CERK: variants seen among roughly 807,000 people sequenced by gnomAD.
The protein encoded by CERK is ceramide kinase, also known as acylsphingosine kinase.
CERK carries 39 observed loss-of-function variants against 63.4 expected under a neutral mutation model. The ratio of observed to expected loss-of-function variants is 0.61; its 90% CI spans 0.48 to 0.80. CERK has a LOEUF of 0.80. Ranked by LOEUF, CERK falls within the 30% of genes least tolerant of loss-of-function variation. The pLI, the probability that CERK is intolerant of heterozygous loss-of-function variation, is 0.00. For missense variants in CERK, 670 were observed against 714.1 expected (o/e 0.94, Z 0.70); for synonymous variants, 302 against 280.0 (o/e 1.08, Z -0.78).
At chr22:46,710,443 A>C (rs1448801301) in intron 5 of CERK, among the ~76,000 whole-genome samples, 1 of 152,192 alleles carries the variant, frequency 6.6e-6, no homozygotes, top group Non-Finnish European at 1.5e-5. Context: ...CGAAAAAAAA[A>C]AAAAAGAATG....
chr22:46,723,244 TTG>T (rs779189924), intron 1 of CERK, among the ~76,000 whole-genome samples: 3 of 152,252 alleles, frequency 2.0e-5, no homozygotes, highest in Non-Finnish European at 4.4e-5. Context: ...AATGGAATTA[TTG>T]TCTCTAAAAA....
At chr22:46,689,746 C>T (rs982428076) in intron 12 of CERK, among the ~76,000 whole-genome samples, 1 of 152,204 alleles carries the variant, frequency 6.6e-6, no homozygotes, top group African/African-American at 2.4e-5. Flanking sequence ...GAGCTTCAAA[C>T]ACCCATGAAA....
intron 7 of CERK, 76 bp downstream of exon 7, chr22:46,701,560 G>C: frequency 7.8e-7 from 1 of 1,277,874 alleles, no homozygotes; most frequent in African/African-American, 1.5e-5. Context: ...ACACGCGACG[G>C]GGACCAGAGT....
chr22:46,690,448 G>A (rs889435330), intron 11 of CERK, among the ~76,000 whole-genome samples: 3 of 151,792 alleles, frequency 2.0e-5, no homozygotes, highest in African/African-American at 4.8e-5. Context: ...TACCTTCCCC[G>A]GTGCCCACCT....
chr22:46,728,064 CCT>C (rs1038115469), intron 1 of CERK, among the ~76,000 whole-genome samples: 5 of 152,152 alleles, frequency 3.3e-5, no homozygotes, highest in East Asian at 1.9e-4. Context: ...CTGCGCAGCC[CCT>C]GTGTGTGGGT....
At chr22:46,718,339 T>C (rs2082876076) in intron 3 of CERK, among the ~76,000 whole-genome samples, 2 of 151,754 alleles carry the variant, frequency 1.3e-5, no homozygotes, top group South Asian at 4.2e-4. Context: ...ACAGGTTTGA[T>C]GGGAGGAAAG....
chr22:46,687,566 G>C (rs774188845), intron 12 of CERK, among the ~76,000 whole-genome samples: 1 of 152,248 alleles, frequency 6.6e-6, no homozygotes, highest in African/African-American at 2.4e-5. Context: ...GTCCGCTCCA[G>C]TGTCTGCCCA....
intron 1 of CERK, among the ~76,000 whole-genome samples, chr22:46,737,398 T>A (rs1219587436): frequency 6.6e-6 from 1 of 152,152 alleles, no homozygotes; most frequent in Non-Finnish European, 1.5e-5. Context: ...TCCTCCATGT[T>A]TACCAAAGTC....
At chr22:46,699,984 G>A in intron 7 of CERK, among the ~76,000 whole-genome samples, 1 of 152,176 alleles carries the variant, frequency 6.6e-6, no homozygotes, top group East Asian at 1.9e-4. Context: ...AGCTAGTGGC[G>A]AGGCTCAGGC....
intron 6 of CERK, among the ~76,000 whole-genome samples, chr22:46,703,616 C>G (rs750784518): frequency 6.6e-6 from 1 of 152,174 alleles, no homozygotes; most frequent in African/African-American, 2.4e-5. Context: ...GGCGATGCTG[C>G]GGAGCAGAGA....
intron 1 of CERK, among the ~76,000 whole-genome samples, chr22:46,727,449 CTTTTT>C (rs772547106): frequency 1.6e-5 from 1 of 61,792 alleles, no homozygotes; most frequent in Non-Finnish European, 4.5e-5. Flanking sequence ...CCAGCTGTTT[CTTTTT>C]TTTTTTTTTT....
chr22:46,719,333 ATAAC>A (rs1469204773), intron 3 of CERK, among the ~76,000 whole-genome samples: 2 of 152,002 alleles, frequency 1.3e-5, no homozygotes, highest in Admixed American at 1.3e-4. Flanking sequence ...TCAGCATGCA[ATAAC>A]TAACCCACCA....
Position 46,723,182 on chromosome 22 carries a change from A to G in CERK, c.143-2167T>C, listed in dbSNP as rs1224643112. Among the ~76,000 whole-genome samples, 7 of 152,250 alleles carry G rather than the reference A, an allele frequency of 4.6e-5. 1 individual carries two copies. Among genetic ancestry groups the G allele is most frequent in the Non-Finnish European group, 1.0e-4 (7 of 68,050 alleles). On this transcript the variant is annotated intron_variant, in intron 1 of 12. Coordinates refer to ENST00000216264, the MANE Select transcript of CERK (RefSeq NM_022766.6). ...CCTCTGGCAAGAGAAAAAGACAAAG[A>G]TGCCAGCAGGGTCATTAGTTTACAC...
intron 6 of CERK, among the ~76,000 whole-genome samples, chr22:46,706,239 T>C (rs135691): frequency 1 from 152,075 of 152,316 alleles, 75,917 homozygotes; most frequent in Non-Finnish European, 1. Context: ...TCCCTGCCTG[T>C]GGGGAAGACA....
chr22:46,693,436 C>G lies in CERK; in HGVS notation c.1117G>C (p.Glu373Gln). 6.2e-7 allele frequency: 1 copy of G among 1,614,102 alleles called. No homozygotes were observed. Among genetic ancestry groups the G allele is most frequent in the Non-Finnish European group, 8.5e-7 (1 of 1,179,968 alleles). The change falls in exon 10 of 13, where the codon GAA (glutamate) becomes CAA (glutamine). Residue 373 changes from glutamate (E) to glutamine (Q), a missense_variant. Transcript: ENST00000216264. ...EEQKKALYGL[E>Q]AAEDVEEWQV... ...GTGTTTTAGGAATTACCCGCAGCTT[C>G]CAAACCATACAGTGCTTTCTTCTGC...
intron 8 of CERK, 60 bp downstream of exon 8, chr22:46,699,253 A>G (rs753711835): frequency 6.4e-7 from 1 of 1,558,162 alleles, no homozygotes; most frequent in Non-Finnish European, 8.8e-7. Flanking sequence ...GTCAGGTAAC[A>G]TCTGTGAAGG....
At chr22:46,731,999 C>T (rs769341628) in intron 1 of CERK, among the ~76,000 whole-genome samples, 15 of 152,018 alleles carry the variant, frequency 9.9e-5, no homozygotes, top group Admixed American at 2.0e-4. Flanking sequence ...CAGGAGGGGT[C>T]GGGAGGGGAA....
chr22:46,692,763 G>A (rs1293804655), intron 10 of CERK, among the ~76,000 whole-genome samples: 1 of 151,888 alleles, frequency 6.6e-6, no homozygotes, highest in African/African-American at 2.4e-5. Context: ...AGATTAGCTG[G>A]GCATGGTGGC....
rs755871078 is a variant in CERK, at chr22:46,707,842, C to T, written c.715+1G>A. On this transcript the variant is annotated splice_donor_variant, in intron 6 of 12. Coordinates refer to ENST00000216264, the MANE Select transcript of CERK (RefSeq NM_022766.6). LOFTEE classifies it high-confidence loss of function. ...CAGAGAATGCCAGGCCGGCTCCATA[C>T]CTGCGGGAATGATTCCAATCCGGAG... The T allele has an allele frequency of 6.2e-7, 1 of 1,604,444 alleles. No homozygotes were observed. The highest frequency in any genetic ancestry group is 8.5e-7 in the Non-Finnish European group (1 of 1,173,358).
Sources: gnomAD v4.1 joint callset for allele counts (sites outside exome capture counted in the v4.1 genomes callset) on GRCh38, gnomAD v4.1.1 for gene constraint, MANE v1.5 for transcripts, NCBI Gene and HGNC (gene_info 2026-07-23, HGNC 2026-07-21) for gene names.